NXPH1: variants seen among roughly 807,000 people sequenced by gnomAD.
The protein encoded by NXPH1 is neurexophilin 1.
Under a neutral mutation model 23.7 loss-of-function variants are expected in NXPH1, and 5 were observed. The observed-to-expected ratio is 0.21, with a 90% CI of 0.11 to 0.44. NXPH1 has a LOEUF of 0.44. Ranked by LOEUF, NXPH1 falls within the 20% of genes least tolerant of loss-of-function variation. The pLI is 0.99. For synonymous variants in NXPH1, 144 were observed against 122.2 expected, an observed-to-expected ratio of 1.18 and a Z score of -1.18; for missense variants, 324 against 321.6, an observed-to-expected ratio of 1.01 and a Z score of -0.06.
intron 2 of NXPH1, among the ~76,000 whole-genome samples, chr7:8,571,896 A>C (rs1384709048): frequency 6.8e-6 from 1 of 147,588 alleles, no homozygotes; most frequent in Non-Finnish European, 1.5e-5. Flanking sequence ...AAAAAAAAAA[A>C]CACTTGGTTT....
chr7:8,442,776 G>A lies in NXPH1; in HGVS notation c.54+7009G>A, dbSNP rs1045692719. On this transcript the variant is annotated intron_variant, in intron 2 of 2. Transcript: ENST00000405863. The surrounding 1 kb of genome is among the most constrained non-coding windows in gnomAD (Gnocchi z 4.6). ...TCGACAGGTTTATGGAAACACAGAT[G>A]CAGCCCTCTCGCGTCCGGAGCCCAA... Among the ~76,000 whole-genome samples the A allele has an allele frequency of 3.3e-5, 5 of 152,224 alleles. No individual in the cohort carries two copies. The highest frequency in any genetic ancestry group is 1.2e-4 in the African/African-American group (5 of 41,462).
chr7:8,719,178 C>T (rs1779925455), intron 2 of NXPH1, among the ~76,000 whole-genome samples: 1 of 152,184 alleles, frequency 6.6e-6, no homozygotes. Context: ...CTCTATAGCA[C>T]AACTGGATAG....
At chr7:8,750,201 C>G (rs531273386) in intron 2 of NXPH1, among the ~76,000 whole-genome samples, 1 of 152,020 alleles carries the variant, frequency 6.6e-6, no homozygotes, top group Non-Finnish European at 1.5e-5. Context: ...TTGTTTTGAC[C>G]GGTTAAAATA....
chr7:8,733,577 C>G (rs1780194910), intron 2 of NXPH1, among the ~76,000 whole-genome samples: 1 of 152,182 alleles, frequency 6.6e-6, no homozygotes, highest in Non-Finnish European at 1.5e-5. Context: ...ACCATTCTAA[C>G]TGGCGTGAGA....
intron 2 of NXPH1, among the ~76,000 whole-genome samples, chr7:8,468,536 A>G (rs926154166): frequency 6.6e-6 from 1 of 152,112 alleles, no homozygotes; most frequent in African/African-American, 2.4e-5. Context: ...GTAATCAAAG[A>G]TAATATCCCA....
intron 2 of NXPH1, among the ~76,000 whole-genome samples, chr7:8,495,137 C>T (rs181078352): frequency 6.6e-6 from 1 of 151,900 alleles, no homozygotes; most frequent in African/African-American, 2.4e-5. Flanking sequence ...TAGGAACTGG[C>T]TCAGTGATTG....
chr7:8,528,908 G>A (rs1817907895), intron 2 of NXPH1, among the ~76,000 whole-genome samples: 2 of 152,210 alleles, frequency 1.3e-5, no homozygotes, highest in African/African-American at 2.4e-5. Flanking sequence ...TAGGTCAGAA[G>A]TTCAGCATGG....
chr7:8,509,543 G>C (rs1817580782), intron 2 of NXPH1, among the ~76,000 whole-genome samples: 1 of 152,152 alleles, frequency 6.6e-6, no homozygotes, highest in Non-Finnish European at 1.5e-5. Flanking sequence ...AAGGAAATTG[G>C]TAGTCCTCTG....
intron 2 of NXPH1, among the ~76,000 whole-genome samples, chr7:8,477,158 G>C (rs1423252211): frequency 6.6e-6 from 1 of 151,990 alleles, no homozygotes; most frequent in Non-Finnish European, 1.5e-5. Context: ...CAACCATATG[G>C]GGCATGACTC....
At chr7:8,620,076 A>G (rs1819832462) in intron 2 of NXPH1, among the ~76,000 whole-genome samples, 1 of 152,202 alleles carries the variant, frequency 6.6e-6, no homozygotes, top group Admixed American at 6.5e-5. Context: ...CTGCCAGAGT[A>G]GCCGTTGACC....
At position 8,433,811 on chromosome 7, in the gene NXPH1, C is replaced by T. The variant is rs893936688; in HGVS notation, c.-1055C>T. 2.0e-5 allele frequency: 3 copies of T among 152,394 alleles called. No homozygotes were observed. Among genetic ancestry groups the T allele is most frequent in the East Asian group, 1.9e-4 (1 of 5,186 alleles). The allele number at this position is 152,394 out of a possible 1,614,324, so 9.4% of individuals were successfully genotyped here. On this transcript the variant is annotated 5_prime_UTR_variant, in exon 1 of 3. Transcript: ENST00000405863. The surrounding 1 kb of genome is among the most constrained non-coding windows in gnomAD (Gnocchi z 6.8). ...CCTGGGCTTTGCGATCTTCCCTACGCCCCCCGGGAAGGGGGCGCTGCGGCC... is the reference window on the plus strand; with the variant it reads ...CCTGGGCTTTGCGATCTTCCCTACGTCCCCCGGGAAGGGGGCGCTGCGGCC...
At chr7:8,727,023 T>C (rs371919092) in intron 2 of NXPH1, among the ~76,000 whole-genome samples, 8 of 146,384 alleles carry the variant, frequency 5.5e-5, no homozygotes, top group African/African-American at 1.0e-4. Flanking sequence ...TTAATGATTG[T>C]CATTCTAACT....
intron 2 of NXPH1, among the ~76,000 whole-genome samples, chr7:8,584,409 G>T (rs1368072090): frequency 1.3e-5 from 2 of 152,074 alleles, no homozygotes; most frequent in Admixed American, 6.5e-5. Flanking sequence ...AGAAAATAAA[G>T]CTTTAGTTTA....
chr7:8,731,461 T>A (rs1363451694), intron 2 of NXPH1, among the ~76,000 whole-genome samples: 1 of 152,164 alleles, frequency 6.6e-6, no homozygotes, highest in Non-Finnish European at 1.5e-5. Flanking sequence ...TTTTTCCCCA[T>A]CTTTGTGATT....
At chr7:8,657,481 A>G (rs1387648677) in intron 2 of NXPH1, among the ~76,000 whole-genome samples, 1 of 152,238 alleles carries the variant, frequency 6.6e-6, no homozygotes, top group Non-Finnish European at 1.5e-5. Context: ...AGGCGAAAGT[A>G]GAGAAGCCCT....
chr7:8,512,040 A>T (rs1171964456), intron 2 of NXPH1, among the ~76,000 whole-genome samples: 1 of 152,136 alleles, frequency 6.6e-6, no homozygotes, highest in African/African-American at 2.4e-5. Context: ...CTCAAGATGC[A>T]TAATCCTGAG....
intron 2 of NXPH1, among the ~76,000 whole-genome samples, chr7:8,652,975 A>G (rs1394805444): frequency 1.3e-5 from 2 of 152,106 alleles, no homozygotes; most frequent in South Asian, 2.1e-4. Context: ...ATATAGGGCC[A>G]TTGATCCTCC....
chr7:8,492,295 G>A (rs547439615), intron 2 of NXPH1, among the ~76,000 whole-genome samples: 2 of 152,078 alleles, frequency 1.3e-5, no homozygotes, highest in South Asian at 4.1e-4. Flanking sequence ...CTCTTATTAA[G>A]TTTGGCAGCA....
intron 2 of NXPH1, among the ~76,000 whole-genome samples, chr7:8,686,200 C>T (rs1028773826): frequency 6.6e-6 from 1 of 152,078 alleles, no homozygotes; most frequent in African/African-American, 2.4e-5. Flanking sequence ...GCAAACATGC[C>T]TGATATTTTA....
Sources: gnomAD v4.1 joint callset for allele counts (sites outside exome capture counted in the v4.1 genomes callset) on GRCh38, gnomAD v4.1.1 for gene constraint, Gnocchi (gnomAD v3.1) non-coding constraint, MANE v1.5 for transcripts, NCBI Gene and HGNC (gene_info 2026-07-23, HGNC 2026-07-21) for gene names.